CFTR: variants seen among roughly 807,000 people sequenced by gnomAD.
CFTR encodes the protein cystic fibrosis transmembrane conductance regulator.
Under a neutral mutation model 171.6 loss-of-function variants are expected in CFTR, and 181 were observed. That is an observed-to-expected ratio of 1.05 (90% CI 0.93 to 1.19). The LOEUF (loss-of-function observed/expected upper bound fraction) is 1.19, where lower values mean the gene tolerates loss of function less well. Among genes scored for constraint, CFTR ranks in the 50% most tolerant of loss-of-function variants. CFTR has a pLI of 0.00. For missense variants in CFTR, 1,968 were observed against 1,734.7 expected, an observed-to-expected ratio of 1.13 and a Z score of -2.39; for synonymous variants, 583 against 608.0, an observed-to-expected ratio of 0.96 and a Z score of 0.60.
Position 117,632,477 on chromosome 7 carries a change from C to T in CFTR, c.3717+4707C>T, listed in dbSNP as rs1312280847. Among the ~76,000 whole-genome samples, 26 of 150,974 alleles carry T rather than the reference C, an allele frequency of 1.7e-4. 1 individual carries two copies. Among genetic ancestry groups the T allele is most frequent in the Admixed American group, 1.5e-3 (23 of 15,122 alleles). ...ACTTAGGAGACTGAGGCAGGAGGAT[C>T]GCTTGAGCCCAGGAGATTAAGGCTG... On this transcript the variant is annotated intron_variant, in intron 22 of 26. Transcript: ENST00000003084.
chr7:117,542,272 G>A (rs1008580632), intron 9 of CFTR, among the ~76,000 whole-genome samples, 164 bp downstream of exon 9: 2 of 152,134 alleles, frequency 1.3e-5, no homozygotes, highest in Non-Finnish European at 2.9e-5. Flanking sequence ...TAGAGGAATG[G>A]CCAGGTGCTC....
intron 1 of CFTR, 28 bp from the exon 2 acceptor site, chr7:117,504,225 A>C (rs1798376519): frequency 7.6e-7 from 1 of 1,310,208 alleles, no homozygotes; most frequent in Non-Finnish European, 1.1e-6. Flanking sequence ...AATCAAGTGA[A>C]TATCTGTTCC....
chr7:117,649,459 T>C (rs1330931803), intron 23 of CFTR, among the ~76,000 whole-genome samples: 1 of 148,156 alleles, frequency 6.7e-6, no homozygotes, highest in Admixed American at 6.8e-5. Flanking sequence ...TATACATACA[T>C]GCATATATCT....
chr7:117,500,277 T>TA lies in CFTR; in HGVS notation c.54-3976_54-3975insA, dbSNP rs1165575348. Among the ~76,000 whole-genome samples the TA allele has an allele frequency of 1.7e-3, 234 of 141,580 alleles. 1 individual carries two copies. The highest frequency in any genetic ancestry group is 2.9e-3 in the Non-Finnish European group (187 of 65,380). The allele number at this position is 141,580 out of a possible 152,430, so 92.9% of individuals were successfully genotyped here. ...TTGATGGGACATAATTTTCTTCCTT[T>TA]CTTTTTTTTTTTTTTTTTTTTTTTT... On this transcript the variant is annotated intron_variant, in intron 1 of 26. Transcript: ENST00000003084.
At chr7:117,546,337 G>A (rs548327362) in intron 9 of CFTR, among the ~76,000 whole-genome samples, 28 of 151,886 alleles carry the variant, frequency 1.8e-4, no homozygotes, top group African/African-American at 5.8e-4. Context: ...GTCTCACTAC[G>A]TTGCCCAGGC....
At chr7:117,498,673 A>T (rs1480071734) in intron 1 of CFTR, among the ~76,000 whole-genome samples, 2 of 152,220 alleles carry the variant, frequency 1.3e-5, no homozygotes, top group Non-Finnish European at 2.9e-5. Flanking sequence ...GATGAGTTTT[A>T]GTCTCAAATC....
At chr7:117,518,175 T>C (rs1200885275) in intron 3 of CFTR, among the ~76,000 whole-genome samples, 1 of 151,586 alleles carries the variant, frequency 6.6e-6, no homozygotes, top group East Asian at 1.9e-4. Context: ...TTTTCACCAT[T>C]GAAAGTAATG....
intron 24 of CFTR, among the ~76,000 whole-genome samples, chr7:117,660,744 T>G (rs1793265567): frequency 6.6e-6 from 1 of 151,926 alleles, no homozygotes; most frequent in Non-Finnish European, 1.5e-5. Context: ...ATTTAAAGGA[T>G]AAAGGATTCT....
chr7:117,660,030 A>AT (rs4148723), intron 24 of CFTR, among the ~76,000 whole-genome samples: 63 of 147,442 alleles, frequency 4.3e-4, no homozygotes, highest in East Asian at 8.0e-4. Flanking sequence ...ACTCTTAGAC[A>AT]TTTTTTTTTT....
rs1387755887 is a variant in CFTR, at chr7:117,587,788, G to A, written c.1634G>A (p.Gly545Glu). Residue 545 changes from glycine (G) to glutamate (E), a missense_variant, in exon 12 of 27, where the codon GGA (glycine) becomes GAA (glutamate). Gly to Glu is a moderately conservative substitution (Grantham distance 98). Transcript: ENST00000003084. ...EKDNIVLGEGGITLSGGQRAR... is the reference protein window; with the variant it reads ...EKDNIVLGEGEITLSGGQRAR... ...GACAATATAGTTCTTGGAGAAGGTG[G>A]AATCACACTGAGTGGAGGTCAACGA... 2 of 1,611,968 alleles carry A rather than the reference G, an allele frequency of 1.2e-6. No homozygotes were observed. The highest frequency in any genetic ancestry group is 3.3e-5 in the Admixed American group (2 of 59,890).
chr7:117,617,011 C>T (rs925693396), intron 21 of CFTR, among the ~76,000 whole-genome samples: 2 of 152,028 alleles, frequency 1.3e-5, no homozygotes, highest in Non-Finnish European at 2.9e-5. Flanking sequence ...TCAAATTTTA[C>T]GTTTATATGA....
At chr7:117,552,495 T>C (rs894266139) in intron 10 of CFTR, among the ~76,000 whole-genome samples, 3 of 152,180 alleles carry the variant, frequency 2.0e-5, no homozygotes, top group African/African-American at 7.2e-5. Flanking sequence ...AGATATCTGT[T>C]ACATGACCTT....
At chr7:117,658,899 C>T (rs1435539724) in intron 24 of CFTR, among the ~76,000 whole-genome samples, 2 of 152,106 alleles carry the variant, frequency 1.3e-5, no homozygotes, top group Non-Finnish European at 2.9e-5. Context: ...CTTTCCAAAC[C>T]CCACATCTGA....
chr7:117,519,560 T>C (rs570687096), intron 3 of CFTR, among the ~76,000 whole-genome samples: 12 of 152,038 alleles, frequency 7.9e-5, no homozygotes, highest in Non-Finnish European at 1.6e-4. Context: ...TTATCCAAAT[T>C]TTTATTTTCT....
intron 1 of CFTR, among the ~76,000 whole-genome samples, chr7:117,495,376 T>C (rs891570416): frequency 6.6e-6 from 1 of 152,180 alleles, no homozygotes; most frequent in Non-Finnish European, 1.5e-5. Flanking sequence ...TCCTCTGTTA[T>C]GTTTCAAGAT....
intron 22 of CFTR, among the ~76,000 whole-genome samples, chr7:117,632,374 G>A (rs981472107): frequency 6.6e-6 from 1 of 151,882 alleles, no homozygotes; most frequent in Non-Finnish European, 1.5e-5. Flanking sequence ...GACAAGCCTG[G>A]GCAACATGGC....
At chr7:117,491,676 T>A (rs1798161877) in intron 1 of CFTR, among the ~76,000 whole-genome samples, 1 of 152,010 alleles carries the variant, frequency 6.6e-6, no homozygotes, top group Non-Finnish European at 1.5e-5. Flanking sequence ...GTGTCCAAAC[T>A]TCTTTACTAT....
chr7:117,568,996 T>C (rs1409103900), intron 11 of CFTR, among the ~76,000 whole-genome samples: 1 of 152,150 alleles, frequency 6.6e-6, no homozygotes, highest in Non-Finnish European at 1.5e-5. Flanking sequence ...AAACAATGTG[T>C]TCCCTTTTGG....
chr7:117,563,664 G>A (rs1013885839), intron 11 of CFTR, among the ~76,000 whole-genome samples: 1 of 152,150 alleles, frequency 6.6e-6, no homozygotes, highest in East Asian at 1.9e-4. Context: ...AAGACAGAGG[G>A]ATCACAGCTT....
Sources: allele counts gnomAD v4.1 joint callset (sites outside exome capture counted in the v4.1 genomes callset), GRCh38; gene constraint gnomAD v4.1.1; transcripts MANE v1.5; gene names NCBI Gene and HGNC (gene_info 2026-07-23, HGNC 2026-07-21).